DGKH: variants seen among roughly 807,000 people sequenced by gnomAD.
DGKH encodes DAG kinase eta.
DGKH carries 90 observed loss-of-function variants against 159.3 expected under a neutral mutation model. The ratio of observed to expected loss-of-function variants is 0.57; its 90% CI spans 0.48 to 0.67. DGKH has a LOEUF of 0.67. Ranked by LOEUF, DGKH falls within the 30% of genes least tolerant of loss-of-function variation. The pLI, the probability that DGKH is intolerant of heterozygous loss-of-function variation, is 0.00. For synonymous variants in DGKH, 536 were observed against 553.8 expected (o/e 0.97, Z 0.45); for missense variants, 1,181 against 1,506.1 (o/e 0.78, Z 3.57).
Position 42,168,452 on chromosome 13 carries a change from T to G in DGKH, c.1131T>G (p.Phe377Leu). The G allele has an allele frequency of 6.2e-7, 1 of 1,614,036 alleles. No individual in the cohort carries two copies. Among genetic ancestry groups the G allele is most frequent in the Non-Finnish European group, 8.5e-7 (1 of 1,179,944 alleles). Residue 377 changes from phenylalanine to leucine, a missense_variant, in exon 10 of 30, where the codon TTT (phenylalanine) becomes TTG (leucine). By Grantham distance (22) the Phe-to-Leu change is conservative. This residue lies in a region of DGKH where 369 missense variants were observed against 519.4 expected (regional missense o/e 0.71). Transcript: ENST00000337343. Reference protein sequence around the residue: ...NGGPHLGLRLFQKFDNFRILV... With the variant: ...NGGPHLGLRLLQKFDNFRILV... ...TTTTTGCTTTCAGTTTAAGATTATT[T>G]CAGAAGTTTGACAATTTCCGGATTC...
intron 20 of DGKH, among the ~76,000 whole-genome samples, 167 bp downstream of exon 20, chr13:42,200,076 A>G (rs1052006048): frequency 6.6e-6 from 1 of 152,218 alleles, no homozygotes; most frequent in Non-Finnish European, 1.5e-5. Context: ...TATACACAGG[A>G]TATGAATGAC....
At chr13:42,204,810 A>T (rs188136254) in intron 20 of DGKH, among the ~76,000 whole-genome samples, 5 of 152,182 alleles carry the variant, frequency 3.3e-5, no homozygotes, top group Non-Finnish European at 7.3e-5. Flanking sequence ...CATTAAAGAA[A>T]ATATTGGTAC....
chr13:42,138,436 C>T (rs930648640), intron 3 of DGKH, among the ~76,000 whole-genome samples: 1 of 152,148 alleles, frequency 6.6e-6, no homozygotes, highest in Non-Finnish European at 1.5e-5. Flanking sequence ...TTCTTTACCA[C>T]TGAATCCTCA....
At chr13:42,188,789 A>G (rs1057318558) in intron 14 of DGKH, among the ~76,000 whole-genome samples, 2 of 152,222 alleles carry the variant, frequency 1.3e-5, no homozygotes, top group African/African-American at 2.4e-5. Flanking sequence ...GTAAACATCA[A>G]TAAAGCCATT....
chr13:42,057,577 A>G (rs1033388950), intron 1 of DGKH, among the ~76,000 whole-genome samples: 1 of 152,184 alleles, frequency 6.6e-6, no homozygotes, highest in Non-Finnish European at 1.5e-5. Context: ...TTTCAATATC[A>G]TGCATCTTCC....
Position 42,095,156 on chromosome 13 carries a change from C to CTTTTTTTTTTTTTTTTTT in DGKH, c.193-32300_193-32283dup, listed in dbSNP as rs776422302. On this transcript the variant is annotated intron_variant, in intron 1 of 29. Coordinates refer to ENST00000337343, the MANE Select transcript of DGKH (RefSeq NM_178009.5). ...GCAGCCGCTCAATAAATGTTGACTC[C>CTTTTTTTTTTTTTTTTTT]TTTTTTTTTTTTTTTTTTTTTTTTG... is the stretch of plus-strand genomic sequence containing the variant. 7.8e-5 allele frequency among the ~76,000 whole-genome samples: 6 copies of CTTTTTTTTTTTTTTTTTT among 76,814 alleles called. 1 individual carries two copies. Among genetic ancestry groups the CTTTTTTTTTTTTTTTTTT allele is most frequent in the Admixed American group, 3.8e-4 (2 of 5,256 alleles). The allele number at this position is 76,814 out of a possible 152,430, so 50.4% of individuals were successfully genotyped here. A position where few individuals can be genotyped will look rare whatever the true frequency, so the allele number is the denominator to read the frequency against.
At chr13:42,193,507 C>T (rs1289652023) in intron 16 of DGKH, among the ~76,000 whole-genome samples, 1 of 152,138 alleles carries the variant, frequency 6.6e-6, no homozygotes, top group Non-Finnish European at 1.5e-5. Context: ...ATTGTATCAT[C>T]ATGTAATAAT....
intron 1 of DGKH, among the ~76,000 whole-genome samples, chr13:42,084,488 C>A (rs1954265987): frequency 6.6e-6 from 1 of 151,772 alleles, no homozygotes; most frequent in African/African-American, 2.4e-5. Context: ...TCACAATAGC[C>A]TCATTCATCT....
chr13:42,065,896 T>A (rs1882532643), intron 1 of DGKH, among the ~76,000 whole-genome samples: 2 of 152,168 alleles, frequency 1.3e-5, no homozygotes. Context: ...TATAAAACAT[T>A]AAAATTATTA....
chr13:42,221,804 C>T (rs1957980761), intron 29 of DGKH, among the ~76,000 whole-genome samples: 1 of 152,138 alleles, frequency 6.6e-6, no homozygotes, highest in Non-Finnish European at 1.5e-5. Flanking sequence ...ATAACAAAGC[C>T]TTTCTAACAT....
At chr13:42,095,252 TCC>T (rs1339318328) in intron 1 of DGKH, among the ~76,000 whole-genome samples, 1 of 137,426 alleles carries the variant, frequency 7.3e-6, no homozygotes, top group Non-Finnish European at 1.5e-5. Flanking sequence ...AGCCTCTGCC[TCC>T]CAGGTTCAAG....
chr13:42,157,613 A>G (rs1956076715), intron 5 of DGKH, among the ~76,000 whole-genome samples: 1 of 152,198 alleles, frequency 6.6e-6, no homozygotes, highest in Admixed American at 6.5e-5. Context: ...CCTCAAGTGA[A>G]GTATTATTTT....
At chr13:42,223,662 G>A (rs1958044097) in intron 29 of DGKH, among the ~76,000 whole-genome samples, 1 of 151,972 alleles carries the variant, frequency 6.6e-6, no homozygotes, top group Admixed American at 6.6e-5. Context: ...TCAGGAGGCT[G>A]AGGCAGGCGA....
intron 1 of DGKH, among the ~76,000 whole-genome samples, chr13:42,055,886 A>G (rs892036920): frequency 6.6e-6 from 1 of 152,236 alleles, no homozygotes; most frequent in Non-Finnish European, 1.5e-5. Context: ...ACCGTGGCTC[A>G]TGCCTGTAGT....
chr13:42,151,535 A>C (rs1367288624), intron 3 of DGKH, among the ~76,000 whole-genome samples: 408 of 133,910 alleles, frequency 3.0e-3, no homozygotes, highest in East Asian at 4.7e-3. Flanking sequence ...ACACGTGTAT[A>C]TATATATATA....
At chr13:42,063,939 GA>G (rs77810411) in intron 1 of DGKH, among the ~76,000 whole-genome samples, 27,979 of 120,900 alleles carry the variant, frequency 0.23, 2,708 homozygotes, top group East Asian at 0.54. Context: ...AACTCCGTCT[GA>G]AAAAAAAAAT....
At chr13:42,178,564 A>G (rs936929043) in intron 13 of DGKH, among the ~76,000 whole-genome samples, 2 of 152,244 alleles carry the variant, frequency 1.3e-5, no homozygotes, top group African/African-American at 4.8e-5. Context: ...CATTATTTCC[A>G]TAAACACTAC....
At chr13:42,181,790 A>C in intron 13 of DGKH, 1 of 450,688 alleles carries the variant, frequency 2.2e-6, no homozygotes. Context: ...CAGCAGCAGG[A>C]GACTCAACTG....
intron 29 of DGKH, among the ~76,000 whole-genome samples, chr13:42,226,728 G>A (rs1171277585): frequency 6.6e-6 from 1 of 151,846 alleles, no homozygotes; most frequent in Non-Finnish European, 1.5e-5. Flanking sequence ...ATGGTGGCAG[G>A]TGCCTGTAAT....
Sources: allele counts gnomAD v4.1 joint callset (sites outside exome capture counted in the v4.1 genomes callset), GRCh38; gene constraint gnomAD v4.1.1; regional missense constraint gnomAD v4.1.1; transcripts MANE v1.5; gene names NCBI Gene and HGNC (gene_info 2026-07-23, HGNC 2026-07-21).